ZNF83: variants seen among roughly 807,000 people sequenced by gnomAD.
The protein encoded by ZNF83 is zinc finger protein 83, also known as zinc finger protein 816B.
For missense variants in ZNF83, 552 were observed against 629.9 expected (o/e 0.88, Z 1.32); for synonymous variants, 209 against 213.0 (o/e 0.98, Z 0.17).
intron 2 of ZNF83, among the ~76,000 whole-genome samples, chr19:52,656,645 A>T (rs531572765): frequency 6.6e-6 from 1 of 152,250 alleles, no homozygotes; most frequent in South Asian, 2.1e-4. Flanking sequence ...AGGCATGTGG[A>T]TCACAAAGTC....
chr19:52,618,656 C>A, intron 2 of ZNF83: 1 of 473,736 alleles, frequency 2.1e-6, no homozygotes, highest in Non-Finnish European at 3.5e-6. Context: ...TTTGGCCTCC[C>A]AAAGTGCTGG....
At chr19:52,631,015 G>A (rs58305583) in intron 2 of ZNF83, among the ~76,000 whole-genome samples, 3,517 of 147,310 alleles carry the variant, frequency 0.024, 161 homozygotes, top group African/African-American at 0.076. Context: ...ATTCTGTTCT[G>A]GATCTCACAC....
At chr19:52,680,290 C>A (rs1243589879) in intron 1 of ZNF83, among the ~76,000 whole-genome samples, 1 of 152,206 alleles carries the variant, frequency 6.6e-6, no homozygotes, top group African/African-American at 2.4e-5. Context: ...GGGACATTTT[C>A]ATCACCCACA....
chr19:52,648,188 A>G (rs2061399011), intron 3 of ZNF83, among the ~76,000 whole-genome samples: 2 of 147,746 alleles, frequency 1.4e-5, no homozygotes, highest in Admixed American at 6.7e-5. Context: ...CTCTTGGCAA[A>G]TCCCTCACCC....
intron 1 of ZNF83, among the ~76,000 whole-genome samples, chr19:52,688,881 C>G (rs1039844020): frequency 6.7e-6 from 1 of 148,476 alleles, no homozygotes; most frequent in Admixed American, 6.9e-5. Context: ...TACAGGATAA[C>G]GCTGTCCGAA....
chr19:52,641,896 T>C (rs1007369725), upstream of ZNF83, among the ~76,000 whole-genome samples: 15 of 152,158 alleles, frequency 9.9e-5, no homozygotes, highest in African/African-American at 3.4e-4. Context: ...ATATAAGATG[T>C]ACATTAATTC....
At chr19:52,640,660 G>A (rs1474337207), upstream of ZNF83, among the ~76,000 whole-genome samples, 2 of 152,120 alleles carry the variant, frequency 1.3e-5, no homozygotes, top group African/African-American at 4.8e-5. Flanking sequence ...TCTGCAACCA[G>A]CGCCCCAGTC....
At chr19:52,630,143 G>A (rs550822475) in intron 2 of ZNF83, among the ~76,000 whole-genome samples, 386 of 152,260 alleles carry the variant, frequency 2.5e-3, no homozygotes, top group Non-Finnish European at 4.2e-3. Context: ...ACTGAAAATC[G>A]GACCGTTCAA....
At chr19:52,656,864 CA>C (rs112522632) in intron 2 of ZNF83, among the ~76,000 whole-genome samples, 32 of 136,638 alleles carry the variant, frequency 2.3e-4, no homozygotes, top group East Asian at 6.2e-4. Context: ...GACTCCGTCT[CA>C]AAAAAAAAAA....
intron 1 of ZNF83, among the ~76,000 whole-genome samples, chr19:52,687,513 AT>A (rs2062048168): frequency 1.4e-5 from 1 of 72,712 alleles, no homozygotes; most frequent in African/African-American, 6.1e-5. Context: ...TATAAATTAT[AT>A]ATAAATTTTA....
In ZNF83 at chr19:52,613,698, G is replaced by A. The variant is rs78562523; in HGVS notation, c.867C>T (p.Tyr289=). 2.7e-4 allele frequency: 371 copies of A among 1,364,262 alleles called. 3 individuals are homozygous for A. The African/African-American group carries it at 5.7e-3, about 21-fold the overall frequency. The allele number at this position is 1,364,262 out of a possible 1,614,324, so 84.5% of individuals were successfully genotyped here. Residue 289 remains tyrosine (Y), a synonymous_variant, in exon 3 of 3, where the codon TAC becomes TAT. Coordinates refer to ENST00000301096, the Ensembl canonical transcript of ZNF83. ...AGACCTTGCCACACTCATTACATTT[G>A]TAAGGTTTCTCTCCAGTGTGGATTC...
At chr19:52,688,332 G>A (rs369975482) in intron 1 of ZNF83, among the ~76,000 whole-genome samples, 58 of 149,584 alleles carry the variant, frequency 3.9e-4, no homozygotes, top group African/African-American at 1.0e-3. Context: ...CATCATACCC[G>A]ATTAATTTTT....
At chr19:52,684,394 C>T (rs994831183) in intron 1 of ZNF83, among the ~76,000 whole-genome samples, 1 of 151,288 alleles carries the variant, frequency 6.6e-6, no homozygotes, top group Non-Finnish European at 1.5e-5. Context: ...AATAAAAATA[C>T]AAAAATTAAC....
intron 3 of ZNF83, among the ~76,000 whole-genome samples, chr19:52,649,082 G>A (rs2061410546): frequency 6.6e-6 from 1 of 152,172 alleles, no homozygotes; most frequent in Admixed American, 6.5e-5. Context: ...CACCCAGACA[G>A]GGTTGAAGGC....
chr19:52,645,822 TAAAG>T (rs1483994452), intron 3 of ZNF83, among the ~76,000 whole-genome samples: 2 of 140,576 alleles, frequency 1.4e-5, no homozygotes, highest in African/African-American at 2.7e-5. Context: ...AAAAAAAGGA[TAAAG>T]AAAGAAAAAT....
chr19:52,675,866 T>C (rs1208896626), intron 1 of ZNF83, among the ~76,000 whole-genome samples: 1 of 152,178 alleles, frequency 6.6e-6, no homozygotes, highest in Non-Finnish European at 1.5e-5. Context: ...AGGTTAACTA[T>C]ACAAATTACA....
At chr19:52,623,370 C>T (rs899583699) in intron 2 of ZNF83, among the ~76,000 whole-genome samples, 1 of 152,172 alleles carries the variant, frequency 6.6e-6, no homozygotes, top group Non-Finnish European at 1.5e-5. Context: ...GGCCTGTTTC[C>T]CTTGCCTCCA....
chr19:52,666,938 G>C (rs2061662557), intron 1 of ZNF83, among the ~76,000 whole-genome samples: 1 of 152,118 alleles, frequency 6.6e-6, no homozygotes, highest in African/African-American at 2.4e-5. Flanking sequence ...CTAATAATTG[G>C]ACTGCTGAAA....
chr19:52,614,439 G>A, exon 3 of ZNF83: 1 of 1,613,686 alleles, frequency 6.2e-7, no homozygotes. Context: ...ATTTTTCCAT[G>A]TGATCATATT....
Sources: gnomAD v4.1 joint callset for allele counts (sites outside exome capture counted in the v4.1 genomes callset) on GRCh38, gnomAD v4.1.1 for gene constraint, MANE v1.5 for transcripts, NCBI Gene and HGNC (gene_info 2026-07-23, HGNC 2026-07-21) for gene names.